LAMA3: variants seen among roughly 807,000 people sequenced by gnomAD.
The protein encoded by LAMA3 is laminin subunit alpha-3.
In LAMA3, 281 loss-of-function variants were observed where a neutral mutation model predicts 402.0. The ratio of observed to expected loss-of-function variants is 0.70; its 90% CI spans 0.63 to 0.77. The LOEUF (loss-of-function observed/expected upper bound fraction) is 0.77, where lower values mean the gene tolerates loss of function less well. Ranked by LOEUF, LAMA3 falls within the 30% of genes least tolerant of loss-of-function variation. The pLI is 0.00. For synonymous variants in LAMA3, 1,431 were observed against 1,558.4 expected, an observed-to-expected ratio of 0.92 and a Z score of 1.93; for missense variants, 3,840 against 4,215.5, an observed-to-expected ratio of 0.91 and a Z score of 2.47.
intron 55 of LAMA3, among the ~76,000 whole-genome samples, chr18:23,910,830 C>G (rs923118542): frequency 6.6e-6 from 1 of 152,054 alleles, no homozygotes; most frequent in East Asian, 1.9e-4. Context: ...TAAATGTGTA[C>G]AGGTGGACAC....
intron 42 of LAMA3, among the ~76,000 whole-genome samples, chr18:23,893,388 G>C (rs1489233607): frequency 6.6e-6 from 1 of 152,098 alleles, no homozygotes; most frequent in Non-Finnish European, 1.5e-5. Context: ...AGCTTATCCA[G>C]CCCGGCCAAT....
intron 62 of LAMA3, 114 bp downstream of exon 62, chr18:23,921,699 T>A: frequency 1.9e-6 from 2 of 1,049,468 alleles, no homozygotes; most frequent in South Asian, 1.3e-5. Context: ...CACAAAAAGT[T>A]AACTTTTCCA....
At chr18:23,755,611 A>G (rs574674809) in intron 6 of LAMA3, among the ~76,000 whole-genome samples, 2 of 152,372 alleles carry the variant, frequency 1.3e-5, no homozygotes, top group Admixed American at 6.5e-5. Flanking sequence ...TTAACCAAGC[A>G]TGTGTACCAT....
Position 23,827,335 on chromosome 18 carries a change from G to T in LAMA3, c.2691G>T (p.Leu897Phe), listed in dbSNP as rs781184800. 2 of 1,614,162 alleles carry T rather than the reference G, an allele frequency of 1.2e-6. No individual in the cohort carries two copies. The highest frequency in any genetic ancestry group is 3.3e-5 in the Admixed American group (2 of 60,026). ...GAAGTTGCTTACTCTACCAGCATTT[G>T]CCAGTGACCAGATTCCCCTGTACCC... ...PQENCLLYQH[L>F]PVTRFPCTLA... is the part of the protein sequence containing the mutation. Residue 897 changes from leucine to phenylalanine, a missense_variant, in exon 23 of 75, where the codon TTG (leucine) becomes TTT (phenylalanine). By Grantham distance (22) the Leu-to-Phe change is conservative (BLOSUM62 0). This residue lies in a region of LAMA3 where 2,109 missense variants were observed against 2,376.0 expected (regional missense o/e 0.89). Coordinates refer to ENST00000313654, the MANE Select transcript of LAMA3 (RefSeq NM_198129.4).
intron 2 of LAMA3, among the ~76,000 whole-genome samples, chr18:23,738,356 T>G (rs574612128): frequency 5.9e-5 from 9 of 151,840 alleles, no homozygotes; most frequent in African/African-American, 2.2e-4. Context: ...CAGGAGGAGG[T>G]TCCTCCCTCC....
chr18:23,941,227 C>A (rs1409605404), intron 68 of LAMA3, among the ~76,000 whole-genome samples: 1 of 152,028 alleles, frequency 6.6e-6, no homozygotes, highest in African/African-American at 2.4e-5. Context: ...TGAGCCACCG[C>A]GCCCGGCCAA....
chr18:23,828,479 T>C (rs1052185855), intron 23 of LAMA3, among the ~76,000 whole-genome samples: 1 of 152,196 alleles, frequency 6.6e-6, no homozygotes, highest in Non-Finnish European at 1.5e-5. Context: ...TCCCTACACA[T>C]GCTATGTGTG....
intron 2 of LAMA3, among the ~76,000 whole-genome samples, chr18:23,725,801 C>T (rs1311115372): frequency 2.6e-5 from 4 of 152,192 alleles, no homozygotes; most frequent in Non-Finnish European, 5.9e-5. Flanking sequence ...GCTTTATGTG[C>T]CTGTGTCTCT....
At chr18:23,893,086 TA>T (rs1284527348) in intron 42 of LAMA3, among the ~76,000 whole-genome samples, 1 of 152,180 alleles carries the variant, frequency 6.6e-6, no homozygotes, top group Non-Finnish European at 1.5e-5. Flanking sequence ...TAATTTATAT[TA>T]TTTTTTACAA....
chr18:23,808,838 C>A (rs1021250527), intron 12 of LAMA3, among the ~76,000 whole-genome samples: 1 of 152,140 alleles, frequency 6.6e-6, no homozygotes, highest in South Asian at 2.1e-4. Flanking sequence ...CCTGTGGGGG[C>A]CCCATGCGCC....
chr18:23,939,417 G>C (rs1348645788), intron 68 of LAMA3, 31 bp downstream of exon 68: 9 of 1,610,498 alleles, frequency 5.6e-6, no homozygotes, highest in Non-Finnish European at 7.6e-6. Context: ...CCCAGCACCA[G>C]CTCAGAACCT....
chr18:23,848,600 C>T (rs1016006781), intron 32 of LAMA3, among the ~76,000 whole-genome samples: 48 of 152,096 alleles, frequency 3.2e-4, no homozygotes, highest in African/African-American at 1.1e-3. Flanking sequence ...GCACCCCAGG[C>T]ACATGGATAT....
chr18:23,826,674 G>T, intron 21 of LAMA3, 28 bp from the exon 22 acceptor site: 1 of 1,421,884 alleles, frequency 7.0e-7, no homozygotes, highest in South Asian at 1.2e-5. Flanking sequence ...CAAAATGAAT[G>T]ATTCTCCTTT....
chr18:23,872,833 T>C, intron 38 of LAMA3: 2 of 586,634 alleles, frequency 3.4e-6, no homozygotes, highest in East Asian at 5.8e-5. Context: ...CCGCCCCACC[T>C]CACAGGAATT....
In LAMA3 at chr18:23,887,754, G is replaced by A. The variant is rs188827047; in HGVS notation, c.5304-2257G>A. ...AGTGGCCAGCTGTGGGGAGGGTTTC[G>A]CAAAGGCTTTCCAGCCCATGCATGC... On this transcript the variant is annotated intron_variant, in intron 41 of 74. Coordinates refer to ENST00000313654, the MANE Select transcript of LAMA3 (RefSeq NM_198129.4). 2.6e-3 allele frequency among the ~76,000 whole-genome samples: 402 copies of A among 152,232 alleles called. 1 individual carries two copies. The highest frequency in any genetic ancestry group is 9.2e-3 in the African/African-American group (383 of 41,534).
intron 1 of LAMA3, among the ~76,000 whole-genome samples, chr18:23,708,131 C>G (rs1367486208): frequency 1.3e-5 from 2 of 152,156 alleles, no homozygotes; most frequent in African/African-American, 4.8e-5. Flanking sequence ...TTATTTCCCC[C>G]TGGATCTAGA....
At chr18:23,705,104 G>A (rs543118596) in intron 1 of LAMA3, among the ~76,000 whole-genome samples, 2 of 152,222 alleles carry the variant, frequency 1.3e-5, no homozygotes, top group South Asian at 2.1e-4. Context: ...GCAATTCCAA[G>A]TGTGAGTCCC....
At chr18:23,794,407 A>G (rs2144117955) in intron 12 of LAMA3, among the ~76,000 whole-genome samples, 1 of 152,302 alleles carries the variant, frequency 6.6e-6, no homozygotes, top group South Asian at 2.1e-4. Flanking sequence ...TCATGATACC[A>G]CAACAGTTCT....
At chr18:23,801,289 A>T (rs1441065358) in intron 12 of LAMA3, among the ~76,000 whole-genome samples, 1 of 152,162 alleles carries the variant, frequency 6.6e-6, no homozygotes, top group Non-Finnish European at 1.5e-5. Flanking sequence ...GACACTGGGG[A>T]CTTCTAGAGG....
Sources: allele counts gnomAD v4.1 joint callset (sites outside exome capture counted in the v4.1 genomes callset), GRCh38; gene constraint gnomAD v4.1.1; regional missense constraint gnomAD v4.1.1; transcripts MANE v1.5; gene names NCBI Gene and HGNC (gene_info 2026-07-23, HGNC 2026-07-21).